Variants in ALK observed in about 807,000 individuals in gnomAD.
ALK encodes ALK tyrosine kinase receptor.
In ALK, 74 loss-of-function variants were observed where a neutral mutation model predicts 163.1. The ratio of observed to expected loss-of-function variants is 0.45; its 90% CI spans 0.38 to 0.55. ALK has a LOEUF of 0.55. Ranked by LOEUF, ALK falls within the 20% of genes least tolerant of loss-of-function variation. The pLI, the probability that ALK is intolerant of heterozygous loss-of-function variation, is 0.00. For synonymous variants in ALK, 960 were observed against 843.2 expected (o/e 1.14, Z -2.40); for missense variants, 2,063 against 2,105.3 (o/e 0.98, Z 0.39).
At chr2:29,469,328 G>A (rs1671291217) in intron 4 of ALK, among the ~76,000 whole-genome samples, 1 of 152,152 alleles carries the variant, frequency 6.6e-6, no homozygotes, top group Admixed American at 6.5e-5. Context: ...AATACCCAGA[G>A]CCCCTAATTT....
rs1046325725 is a variant in ALK at position 29,811,230 on chromosome 2, T to C, written c.668-93533A>G. ...GTGAAGCGGGAGAGAAGGCACATTCTGACTCCCCCCCTTTGAAACTGAAGA... is the reference window on the plus strand; with the variant it reads ...GTGAAGCGGGAGAGAAGGCACATTCCGACTCCCCCCCTTTGAAACTGAAGA... On this transcript the variant is annotated intron_variant, in intron 1 of 28. Transcript: ENST00000389048. Among the ~76,000 whole-genome samples, 6 of 75,964 alleles carry C rather than the reference T, an allele frequency of 7.9e-5. No homozygotes were observed. The South Asian group carries it at 3.4e-3, about 43-fold the overall frequency. The allele number at this position is 75,964 out of a possible 152,430, so 49.8% of individuals were successfully genotyped here. A position where few individuals can be genotyped will look rare whatever the true frequency, so the allele number is the denominator to read the frequency against.
intron 23 of ALK, among the ~76,000 whole-genome samples, chr2:29,219,786 C>T (rs1019638872): frequency 2.6e-5 from 4 of 152,222 alleles, no homozygotes; most frequent in Admixed American, 2.0e-4. Context: ...CTAAACTACA[C>T]GGGTGTCTAA....
At chr2:29,396,455 C>A (rs1347427345) in intron 4 of ALK, among the ~76,000 whole-genome samples, 1 of 152,130 alleles carries the variant, frequency 6.6e-6, no homozygotes, top group Non-Finnish European at 1.5e-5. Flanking sequence ...GTGGGCGGAT[C>A]ACGAGGTCAG....
At chr2:29,437,109 C>T (rs867936936) in intron 4 of ALK, among the ~76,000 whole-genome samples, 7 of 152,118 alleles carry the variant, frequency 4.6e-5, no homozygotes, top group South Asian at 2.1e-4. Context: ...GGAAATCACT[C>T]GATCCATTTT....
At chr2:29,551,902 C>T (rs933672239) in intron 3 of ALK, among the ~76,000 whole-genome samples, 2 of 152,028 alleles carry the variant, frequency 1.3e-5, no homozygotes, top group Non-Finnish European at 1.5e-5. Flanking sequence ...TTCAGTATAC[C>T]ATTCAGTGGC....
intron 3 of ALK, among the ~76,000 whole-genome samples, chr2:29,665,880 G>A (rs1428781924): frequency 6.6e-6 from 1 of 151,652 alleles, no homozygotes; most frequent in Non-Finnish European, 1.5e-5. Context: ...TTTCACTTAC[G>A]TAAGATCAAC....
intron 1 of ALK, among the ~76,000 whole-genome samples, chr2:29,861,986 T>C (rs1666306546): frequency 1.3e-5 from 2 of 152,014 alleles, no homozygotes. Context: ...CACAAATCAA[T>C]CAATATGATA....
Position 29,193,095 on chromosome 2 carries a change from G to T in ALK, c.*129C>A. The T allele has an allele frequency of 1.0e-6, 1 of 997,034 alleles. No individual in the cohort carries two copies. The highest frequency in any genetic ancestry group is 1.4e-5 in the South Asian group (1 of 70,334). 61.8% of individuals were successfully genotyped at this position (997,034 alleles called of 1,614,324 possible). ...ATTTTCAAAATACAGCTTTTTTGGT[G>T]GTACTTCAAAATAGGTTGGCACAAA... On this transcript the variant is annotated 3_prime_UTR_variant, in exon 29 of 29. Coordinates refer to ENST00000389048, the MANE Select transcript of ALK (RefSeq NM_004304.5).
At chr2:29,769,781 G>A (rs1247370660) in intron 1 of ALK, among the ~76,000 whole-genome samples, 1 of 152,170 alleles carries the variant, frequency 6.6e-6, no homozygotes, top group African/African-American at 2.4e-5. Context: ...AATGTGCAAG[G>A]GTAAAGAAAA....
chr2:29,198,965 T>TC (rs1669091691), intron 26 of ALK, among the ~76,000 whole-genome samples: 1 of 128,060 alleles, frequency 7.8e-6, no homozygotes, highest in Admixed American at 7.2e-5. Context: ...TGTTTTCTTT[T>TC]TTTTTTTTTA....
chr2:29,323,027 C>T (rs1375833612), intron 6 of ALK, among the ~76,000 whole-genome samples: 1 of 152,134 alleles, frequency 6.6e-6, no homozygotes, highest in Admixed American at 6.5e-5. Context: ...GTTAGCACAA[C>T]AGCACTGGAA....
At chr2:29,705,287 A>ATCTCTATC (rs1553349887) in intron 2 of ALK, among the ~76,000 whole-genome samples, 16 of 117,672 alleles carry the variant, frequency 1.4e-4, no homozygotes, top group African/African-American at 4.6e-4. Context: ...ATATAAATAT[A>ATCTCTATC]TATCTGCTGT....
chr2:29,317,482 C>T (rs902900550), intron 8 of ALK, among the ~76,000 whole-genome samples: 5 of 152,214 alleles, frequency 3.3e-5, no homozygotes, highest in African/African-American at 1.2e-4. Flanking sequence ...AATGTTGATA[C>T]AGTGTGCCAG....
intron 5 of ALK, among the ~76,000 whole-genome samples, chr2:29,377,993 T>C (rs1341743978): frequency 2.0e-5 from 3 of 152,256 alleles, no homozygotes; most frequent in Non-Finnish European, 4.4e-5. Flanking sequence ...TGAATGTGGC[T>C]GTGGCCTGGG....
intron 4 of ALK, among the ~76,000 whole-genome samples, chr2:29,428,413 CA>C (rs1670194823): frequency 6.6e-6 from 1 of 151,652 alleles, no homozygotes; most frequent in African/African-American, 2.4e-5. Flanking sequence ...TCATTAATAT[CA>C]GAAATGGAAG....
intron 1 of ALK, among the ~76,000 whole-genome samples, chr2:29,912,543 C>T (rs1271958930): frequency 6.6e-6 from 1 of 151,960 alleles, no homozygotes; most frequent in Non-Finnish European, 1.5e-5. Context: ...AAAAAGACCT[C>T]TTTAGGCTGA....
At chr2:29,822,908 A>G (rs1280682659) in intron 1 of ALK, among the ~76,000 whole-genome samples, 1 of 152,202 alleles carries the variant, frequency 6.6e-6, no homozygotes, top group Non-Finnish European at 1.5e-5. Flanking sequence ...TCCGAATTCA[A>G]TGATTCTACA....
intron 2 of ALK, among the ~76,000 whole-genome samples, chr2:29,697,177 G>T (rs1001299726): frequency 3.9e-5 from 6 of 152,136 alleles, no homozygotes; most frequent in African/African-American, 1.4e-4. Context: ...CTTTCTGATT[G>T]ATAAGGGAAA....
intron 1 of ALK, among the ~76,000 whole-genome samples, chr2:29,865,915 C>T (rs1042662392): frequency 1.3e-5 from 2 of 152,156 alleles, no homozygotes; most frequent in African/African-American, 2.4e-5. Flanking sequence ...TGCCCAAGGT[C>T]TCTCTCCCAG....
Sources: gnomAD v4.1 joint callset for allele counts (sites outside exome capture counted in the v4.1 genomes callset) on GRCh38, gnomAD v4.1.1 for gene constraint, MANE v1.5 for transcripts, NCBI Gene and HGNC (gene_info 2026-07-23, HGNC 2026-07-21) for gene names.